RFC3: variants seen among roughly 807,000 people sequenced by gnomAD.
RFC3 encodes replication factor C subunit 3, also known as A1 38 kDa subunit.
A neutral mutation model predicts 45.1 loss-of-function variants in RFC3; 41 were observed. The ratio of observed to expected loss-of-function variants is 0.91; its 90% CI spans 0.71 to 1.18. The LOEUF (loss-of-function observed/expected upper bound fraction) is 1.18. Among genes scored for constraint, RFC3 ranks in the 50% most tolerant of loss-of-function variants. The pLI is 0.00. For missense variants in RFC3, 423 were observed against 428.1 expected, an observed-to-expected ratio of 0.99 and a Z score of 0.10; for synonymous variants, 149 against 144.0, an observed-to-expected ratio of 1.03 and a Z score of -0.25.
chr13:33,820,534 C>T (rs1469834158), intron 1 of RFC3, among the ~76,000 whole-genome samples: 2 of 152,188 alleles, frequency 1.3e-5, no homozygotes, highest in Admixed American at 6.5e-5. Context: ...TAGAGCCATT[C>T]AACTTGACAA....
At chr13:33,935,064 A>G (rs2082877626) in intron 8 of RFC3, among the ~76,000 whole-genome samples, 2 of 152,108 alleles carry the variant, frequency 1.3e-5, no homozygotes, top group Admixed American at 1.3e-4. Context: ...AGATAACTGG[A>G]TCATGTCAAG....
At chr13:33,957,346 A>G (rs1468643094) in intron 8 of RFC3, among the ~76,000 whole-genome samples, 3 of 152,180 alleles carry the variant, frequency 2.0e-5, no homozygotes, top group Non-Finnish European at 2.9e-5. Context: ...AGAGGAGAAA[A>G]ACATAATTGG....
At chr13:33,884,459 G>C (rs2082506672) in intron 8 of RFC3, among the ~76,000 whole-genome samples, 1 of 152,144 alleles carries the variant, frequency 6.6e-6, no homozygotes, top group Non-Finnish European at 1.5e-5. Flanking sequence ...AGAATGAAGT[G>C]ACCCAGTTAT....
chr13:33,962,038 G>C lies in RFC3; in HGVS notation c.880-4049G>C, dbSNP rs573455706. 5.9e-5 allele frequency among the ~76,000 whole-genome samples: 9 copies of C among 152,290 alleles called. No homozygotes were observed. In the East Asian group the frequency reaches 1.2e-3, roughly 20 times the overall value. On this transcript the variant is annotated intron_variant, in intron 8 of 8. Coordinates refer to the RFC3 transcript ENST00000434425. ...CAGAGGAGTCATGAACAGTGGCTTG[G>C]GAGTGTCAGGCAAGCCCTTCTTCTG...
intron 8 of RFC3, among the ~76,000 whole-genome samples, chr13:33,936,144 C>T (rs1049634398): frequency 6.6e-6 from 1 of 152,048 alleles, no homozygotes; most frequent in African/African-American, 2.4e-5. Flanking sequence ...TGCATACTGC[C>T]CCCAAGGTGT....
intron 8 of RFC3, chr13:33,847,406 G>A (rs1238951180): frequency 6.6e-6 from 1 of 152,040 alleles, no homozygotes; most frequent in East Asian, 1.9e-4. Context: ...TCCTGCGGTG[G>A]GGGAGGGGGA....
At chr13:33,878,743 A>C (rs776473580) in intron 8 of RFC3, among the ~76,000 whole-genome samples, 1 of 152,150 alleles carries the variant, frequency 6.6e-6, no homozygotes, top group Non-Finnish European at 1.5e-5. Flanking sequence ...ACTGACCAAG[A>C]AATTGTCTAT....
In RFC3 at chr13:33,836,883, T is replaced by C; in HGVS notation, c.*588T>C. 1 of 984,536 alleles carries C rather than the reference T, an allele frequency of 1.0e-6. No homozygotes were observed. Among genetic ancestry groups the C allele is most frequent in the South Asian group, 4.7e-5 (1 of 21,272 alleles). 61.0% of individuals were successfully genotyped at this position (984,536 alleles called of 1,614,324 possible). A position where few individuals can be genotyped will look rare whatever the true frequency, so the allele number is the denominator to read the frequency against. On this transcript the variant is annotated 3_prime_UTR_variant, in exon 9 of 9. Coordinates refer to ENST00000380071, the MANE Select transcript of RFC3 (RefSeq NM_002915.4). ...TTAGGTCGGTACTAAGAAATAAGCA[T>C]GTTTTCACTAATTTAAGTACTTGAG...
downstream of RFC3, among the ~76,000 whole-genome samples, chr13:33,969,487 G>GACAA (rs1181909573): frequency 6.6e-5 from 10 of 152,198 alleles, no homozygotes; most frequent in Admixed American, 2.6e-4. Context: ...TGAACACAGA[G>GACAA]ACAAAGCCCC....
At chr13:33,970,802 A>T (rs1450427971), downstream of RFC3, among the ~76,000 whole-genome samples, 2 of 152,222 alleles carry the variant, frequency 1.3e-5, no homozygotes, top group African/African-American at 4.8e-5. Flanking sequence ...TCAGCCATTG[A>T]GAAGGGTCTT....
At chr13:33,907,641 T>C (rs1479866262) in intron 8 of RFC3, among the ~76,000 whole-genome samples, 1 of 152,082 alleles carries the variant, frequency 6.6e-6, no homozygotes, top group Non-Finnish European at 1.5e-5. Context: ...ATATTGATAC[T>C]AATCATCCTA....
chr13:33,916,157 C>T (rs2082732085), intron 8 of RFC3, among the ~76,000 whole-genome samples: 1 of 152,182 alleles, frequency 6.6e-6, no homozygotes, highest in Admixed American at 6.5e-5. Flanking sequence ...TTGTGAGGAA[C>T]ATGCTTGCTT....
intron 5 of RFC3, among the ~76,000 whole-genome samples, chr13:33,830,382 C>A (rs1308552261): frequency 6.6e-6 from 1 of 152,058 alleles, no homozygotes; most frequent in Non-Finnish European, 1.5e-5. Flanking sequence ...TACCTAGTCC[C>A]TAGGAAGGGA....
chr13:33,822,181 AATAT>A (rs2082009648), intron 2 of RFC3, among the ~76,000 whole-genome samples: 1 of 152,208 alleles, frequency 6.6e-6, no homozygotes, highest in Non-Finnish European at 1.5e-5. Flanking sequence ...AATTCGTATA[AATAT>A]ATAGGGACAA....
At chr13:33,926,717 CT>C in intron 8 of RFC3, among the ~76,000 whole-genome samples, 1 of 151,406 alleles carries the variant, frequency 6.6e-6, no homozygotes, top group Admixed American at 6.6e-5. Flanking sequence ...AATAAAGTTA[CT>C]TTTGGGGAAA....
intron 8 of RFC3, among the ~76,000 whole-genome samples, chr13:33,939,974 A>G (rs1326695444): frequency 1.3e-5 from 2 of 152,154 alleles, no homozygotes; most frequent in East Asian, 1.9e-4. Context: ...TTTCTGATCC[A>G]TCTTCGTAAA....
chr13:33,962,297 C>A (rs2083062105), intron 8 of RFC3, among the ~76,000 whole-genome samples: 2 of 152,170 alleles, frequency 1.3e-5, no homozygotes, highest in African/African-American at 2.4e-5. Context: ...AGGCCATTAA[C>A]CTGTCGGTGC....
the RFC3 span, among the ~76,000 whole-genome samples, chr13:33,974,359 C>T: frequency 1.1e-3 from 163 of 152,290 alleles, no homozygotes; most frequent in African/African-American, 3.6e-3. Context: ...GGACACACTG[C>T]CCTGGCTCTC....
At chr13:33,911,201 C>T (rs760006212) in intron 8 of RFC3, among the ~76,000 whole-genome samples, 1 of 152,088 alleles carries the variant, frequency 6.6e-6, no homozygotes. Context: ...GCCCAGCTGC[C>T]TCTGTTGAAC....
Sources: gnomAD v4.1 joint callset for allele counts (sites outside exome capture counted in the v4.1 genomes callset) on GRCh38, gnomAD v4.1.1 for gene constraint, MANE v1.5 for transcripts, NCBI Gene and HGNC (gene_info 2026-07-23, HGNC 2026-07-21) for gene names.